DNAH5: variants seen among roughly 807,000 people sequenced by gnomAD.
DNAH5 encodes the protein dynein axonemal heavy chain 5.
In DNAH5, 372 loss-of-function variants were observed where a neutral mutation model predicts 518.2. That is an observed-to-expected ratio of 0.72 (90% CI 0.66 to 0.78). The LOEUF is 0.78. DNAH5 is among the 30% of genes least tolerant of loss of function. The pLI, the probability that DNAH5 is intolerant of heterozygous loss-of-function variation, is 0.00. For missense variants in DNAH5, 5,523 were observed against 5,687.0 expected (o/e 0.97, Z 0.93); for synonymous variants, 2,039 against 2,025.9 (o/e 1.01, Z -0.17).
In DNAH5 at chr5:13,714,522, G is replaced by C. The variant is rs1416805485; in HGVS notation, c.13008C>G (p.Ile4336Met). The change falls in exon 75 of 79, where the codon ATC (isoleucine) becomes ATG (methionine). Residue 4336 changes from isoleucine to methionine, a missense_variant. Ile to Met is a conservative substitution (Grantham distance 10). Transcript: ENST00000265104. ...AGGTGTCCTTGGGTTGGATGCCTAG[G>C]ATGGTGTCCAGCACGTCCTTGGCCA... is the stretch of plus-strand genomic sequence containing the variant. ...SKLAKDVLDT[I>M]LGIQPKDTSG... 2.5e-6 allele frequency: 4 copies of C among 1,614,040 alleles called. No individual in the cohort carries two copies. The highest frequency in any genetic ancestry group is 2.7e-5 in the African/African-American group (2 of 74,916).
At chr5:13,776,808 TGAACTCACCTACA>T in intron 54 of DNAH5, 102 bp from the exon 55 acceptor site, 6 of 1,288,756 alleles carry the variant, frequency 4.7e-6, no homozygotes, top group Non-Finnish European at 6.6e-6. Context: ...TTTGTGTTCT[TGAACTCACCTACA>T]GAAAATTGAA....
chr5:13,927,721 G>T (rs571439442), intron 3 of DNAH5, among the ~76,000 whole-genome samples: 3 of 152,234 alleles, frequency 2.0e-5, no homozygotes, highest in Admixed American at 2.0e-4. Context: ...TGTGAAACAG[G>T]TGCCCATTAT....
At chr5:13,729,992 G>T (rs1199120274) in intron 68 of DNAH5, among the ~76,000 whole-genome samples, 1 of 152,178 alleles carries the variant, frequency 6.6e-6, no homozygotes, top group Admixed American at 6.5e-5. Flanking sequence ...CCCAATATTA[G>T]CACAAGCTAA....
intron 5 of DNAH5, among the ~76,000 whole-genome samples, chr5:13,921,462 C>T (rs1437891367): frequency 1.7e-5 from 2 of 116,590 alleles, no homozygotes; most frequent in African/African-American, 3.2e-5. Flanking sequence ...CTCTCTCTTG[C>T]TCTATCTCTC....
chr5:13,973,311 C>A (rs976826737), intron 1 of DNAH5, among the ~76,000 whole-genome samples: 10 of 152,230 alleles, frequency 6.6e-5, no homozygotes, highest in Non-Finnish European at 1.2e-4. Context: ...CCCGGTAAAA[C>A]TGACTTTGGA....
Position 13,691,064 on chromosome 5 carries a change from T to C in DNAH5, c.*920A>G, listed in dbSNP as rs1386874771. 13 of 152,244 alleles carry C rather than the reference T, an allele frequency of 8.5e-5. No individual in the cohort carries two copies. The highest frequency in any genetic ancestry group is 1.3e-4 in the Non-Finnish European group (9 of 68,040). The allele number at this position is 152,244 out of a possible 1,614,324, so 9.4% of individuals were successfully genotyped here. A position where few individuals can be genotyped will look rare whatever the true frequency, so the allele number is the denominator to read the frequency against. On this transcript the variant is annotated 3_prime_UTR_variant, in exon 79 of 79. Coordinates refer to ENST00000265104, the MANE Select transcript of DNAH5 (RefSeq NM_001369.3). Reference sequence around the variant, plus strand: ...ATTATGGAATCTTCAAAATTGTTTTTTATGGTTGCCAAATATCTCTTAATT... The same window carrying C: ...ATTATGGAATCTTCAAAATTGTTTTCTATGGTTGCCAAATATCTCTTAATT...
intron 76 of DNAH5, among the ~76,000 whole-genome samples, chr5:13,706,573 G>C (rs918947467): frequency 2.6e-5 from 4 of 152,088 alleles, no homozygotes; most frequent in African/African-American, 9.7e-5. Context: ...CATAACATGG[G>C]TGTGCATGCA....
intron 22 of DNAH5, among the ~76,000 whole-genome samples, chr5:13,873,675 T>C (rs1770461847): frequency 6.6e-6 from 1 of 151,992 alleles, no homozygotes; most frequent in South Asian, 2.1e-4. Flanking sequence ...TTTATTTATT[T>C]ATTTTTGTAG....
At chr5:13,921,108 T>C (rs909721587) in intron 5 of DNAH5, among the ~76,000 whole-genome samples, 1 of 152,146 alleles carries the variant, frequency 6.6e-6, no homozygotes, top group African/African-American at 2.4e-5. Context: ...ATTTTCAACA[T>C]GTAGAATGCC....
chr5:13,724,698 G>A (rs1745486691), intron 70 of DNAH5, among the ~76,000 whole-genome samples: 1 of 152,140 alleles, frequency 6.6e-6, no homozygotes, highest in African/African-American at 2.4e-5. Context: ...CTCATGAATG[G>A]CTTGGTGCTG....
At chr5:13,812,126 AC>A (rs1760797899) in intron 43 of DNAH5, among the ~76,000 whole-genome samples, 1 of 152,150 alleles carries the variant, frequency 6.6e-6, no homozygotes, top group African/African-American at 2.4e-5. Context: ...CAGAATTCAG[AC>A]CCAGAAAGCC....
At chr5:13,924,315 C>T (rs1777629410) in intron 3 of DNAH5, among the ~76,000 whole-genome samples, 1 of 152,182 alleles carries the variant, frequency 6.6e-6, no homozygotes, top group Non-Finnish European at 1.5e-5. Flanking sequence ...GCACTCCCAG[C>T]CACGTGACCT....
chr5:13,956,666 C>G (rs192910098), intron 1 of DNAH5, among the ~76,000 whole-genome samples: 1 of 152,326 alleles, frequency 6.6e-6, no homozygotes, highest in East Asian at 1.9e-4. Context: ...TTATCCTGCA[C>G]TTCTACGTTC....
intron 47 of DNAH5, among the ~76,000 whole-genome samples, chr5:13,794,512 C>T (rs1757521058): frequency 6.6e-6 from 1 of 152,328 alleles, no homozygotes; most frequent in South Asian, 2.1e-4. Flanking sequence ...CTGCTGTCAC[C>T]TGGCACAGCT....
In DNAH5 at chr5:13,842,451, GAAAGAA is replaced by G. The variant is rs1765367113; in HGVS notation, c.5272-553_5272-548del. On this transcript the variant is annotated intron_variant, in intron 32 of 78. Coordinates refer to ENST00000265104, the MANE Select transcript of DNAH5 (RefSeq NM_001369.3). Reference sequence around the variant, plus strand: ...AGAAAGAAAGAAAGAAAGAAAGAAAGAAAGAAAGAAAGAAAGAAAGAAAGAAAGAAA... The same window carrying G: ...AGAAAGAAAGAAAGAAAGAAAGAAAGAGAAAGAAAGAAAGAAAGAAAGAAA... Among the ~76,000 whole-genome samples the G allele has an allele frequency of 6.9e-5, 7 of 100,884 alleles. 1 individual carries two copies. The highest frequency in any genetic ancestry group is 1.0e-4 in the Non-Finnish European group (5 of 49,810). The allele number at this position is 100,884 out of a possible 152,430, so 66.2% of individuals were successfully genotyped here. A position where few individuals can be genotyped will look rare whatever the true frequency, so the allele number is the denominator to read the frequency against.
chr5:13,864,703 G>A (rs1476975042), intron 27 of DNAH5, 66 bp from the exon 28 acceptor site: 2 of 1,557,556 alleles, frequency 1.3e-6, no homozygotes, highest in East Asian at 2.2e-5. Flanking sequence ...GACCAAGACG[G>A]TCTGCTAGTA....
intron 60 of DNAH5, among the ~76,000 whole-genome samples, chr5:13,762,305 C>T (rs555845086): frequency 6.6e-6 from 1 of 152,164 alleles, no homozygotes; most frequent in South Asian, 2.1e-4. Context: ...AAGCTAAGAC[C>T]AGCTTTCAGC....
chr5:13,828,198 G>T (rs2151832357), intron 38 of DNAH5, among the ~76,000 whole-genome samples: 1 of 152,308 alleles, frequency 6.6e-6, no homozygotes, highest in South Asian at 2.1e-4. Flanking sequence ...GTGTGTGTCT[G>T]AACACTCATA....
chr5:13,936,893 C>G (rs544462101), intron 1 of DNAH5, among the ~76,000 whole-genome samples: 2 of 152,148 alleles, frequency 1.3e-5, no homozygotes, highest in South Asian at 4.1e-4. Context: ...TCTGAGAGTT[C>G]TTTTGTGCCT....
Sources: allele counts gnomAD v4.1 joint callset (sites outside exome capture counted in the v4.1 genomes callset), GRCh38; gene constraint gnomAD v4.1.1; transcripts MANE v1.5; gene names NCBI Gene and HGNC (gene_info 2026-07-23, HGNC 2026-07-21).